POLR3G: variants seen among roughly 807,000 people sequenced by gnomAD.
POLR3G encodes the protein DNA-directed RNA polymerase III subunit RPC7.
POLR3G carries 28 observed loss-of-function variants against 30.1 expected under a neutral mutation model. The observed-to-expected ratio is 0.93, with a 90% CI of 0.69 to 1.27. The LOEUF (loss-of-function observed/expected upper bound fraction) is 1.27, where lower values mean the gene tolerates loss of function less well. Among genes scored for constraint, POLR3G ranks in the 50% most tolerant of loss-of-function variants. POLR3G has a pLI of 0.00. For missense variants in POLR3G, 254 were observed against 264.6 expected, an observed-to-expected ratio of 0.96 and a Z score of 0.28; for synonymous variants, 79 against 82.5, an observed-to-expected ratio of 0.96 and a Z score of 0.23.
chr5:90,495,761 C>T, intron 4 of POLR3G, 28 bp downstream of exon 4: 2 of 1,561,402 alleles, frequency 1.3e-6, no homozygotes, highest in Non-Finnish European at 1.7e-6. Context: ...AATATGAAAA[C>T]AGTTTTTAAA....
chr5:90,494,052 A>C (rs1751868486), intron 3 of POLR3G, among the ~76,000 whole-genome samples: 1 of 152,112 alleles, frequency 6.6e-6, no homozygotes, highest in African/African-American at 2.4e-5. Flanking sequence ...CTAGAAAAGA[A>C]ATTCTGTACC....
intron 3 of POLR3G, among the ~76,000 whole-genome samples, chr5:90,488,789 A>T (rs1380726873): frequency 2.7e-5 from 4 of 150,640 alleles, no homozygotes; most frequent in Non-Finnish European, 4.4e-5. Context: ...GTTTGATATG[A>T]TGTAAAATAT....
chr5:90,496,485 G>A (rs1752003529), intron 4 of POLR3G, among the ~76,000 whole-genome samples: 1 of 152,204 alleles, frequency 6.6e-6, no homozygotes, highest in Admixed American at 6.5e-5. Context: ...AGCAGACATA[G>A]ACTAGTTTTA....
upstream of POLR3G, chr5:90,474,253 C>T (rs1424133158): frequency 1.9e-6 from 3 of 1,613,616 alleles, no homozygotes; most frequent in Admixed American, 5.0e-5. Context: ...AAGATACCAT[C>T]GCCTAGAGAC....
chr5:90,475,580 C>A (rs1326186472), intron 1 of POLR3G, among the ~76,000 whole-genome samples: 1 of 151,846 alleles, frequency 6.6e-6, no homozygotes, highest in African/African-American at 2.4e-5. Flanking sequence ...AAAAGGAGCA[C>A]CTGGTGAGGA....
intron 7 of POLR3G, among the ~76,000 whole-genome samples, chr5:90,508,486 T>C (rs1752593816): frequency 6.6e-6 from 1 of 152,012 alleles, no homozygotes; most frequent in Admixed American, 6.6e-5. Context: ...TCATTTCCCA[T>C]TGTAAAACAT....
At chr5:90,483,772 A>G (rs1343587508) in intron 1 of POLR3G, among the ~76,000 whole-genome samples, 1 of 152,230 alleles carries the variant, frequency 6.6e-6, no homozygotes, top group Non-Finnish European at 1.5e-5. Flanking sequence ...TATTTAAAAA[A>G]TTAAATTGGC....
chr5:90,512,920 A>G lies in POLR3G; in HGVS notation c.*781A>G, dbSNP rs1279072075. 3 of 152,264 alleles carry G rather than the reference A, an allele frequency of 2.0e-5. No individual in the cohort carries two copies. The East Asian group carries it at 5.8e-4, about 29-fold the overall frequency. 9.4% of individuals were successfully genotyped at this position (152,264 alleles called of 1,614,324 possible). On this transcript the variant is annotated 3_prime_UTR_variant, in exon 8 of 8. Coordinates refer to ENST00000651687, the MANE Select transcript of POLR3G (RefSeq NM_006467.3). ...ATTTTATACTTTATGTAAATGTGAAATAAGTTCTGGTCATATAAATATGTA... is the reference window on the plus strand; with the variant it reads ...ATTTTATACTTTATGTAAATGTGAAGTAAGTTCTGGTCATATAAATATGTA...
At chr5:90,490,498 A>G (rs1317963603) in intron 3 of POLR3G, 2 of 269,004 alleles carry the variant, frequency 7.4e-6, no homozygotes, top group African/African-American at 4.5e-5. Flanking sequence ...TCCTGGGCTC[A>G]AGTGATCCTC....
chr5:90,474,505 C>G (rs958358361), upstream of POLR3G: 2 of 552,712 alleles, frequency 3.6e-6, no homozygotes, highest in Admixed American at 3.5e-5. Flanking sequence ...CGCACCCTTC[C>G]GCCAGGTCGG....
rs10686849 is a variant in POLR3G at position 90,490,571 on chromosome 5, A to ATTT, written c.247+2457_247+2459dup. 1,556 of 314,446 alleles carry ATTT rather than the reference A, an allele frequency of 4.9e-3. 20 individuals are homozygous for ATTT. The highest frequency in any genetic ancestry group is 6.9e-3 in the South Asian group (293 of 42,356). 19.5% of individuals were successfully genotyped at this position (314,446 alleles called of 1,614,324 possible). ...ACACACCATGCCCGGCTAACTTTTA[A>ATTT]TTTTTTTTTTTTTTTTTGTAGAGAC... On this transcript the variant is annotated intron_variant, in intron 3 of 7. Transcript: ENST00000651687.
intron 1 of POLR3G, among the ~76,000 whole-genome samples, chr5:90,478,546 T>C (rs992814861): frequency 7.5e-5 from 11 of 147,096 alleles, no homozygotes; most frequent in African/African-American, 2.8e-4. Context: ...TTCTGTAAAA[T>C]GGGAGGTTTA....
At position 90,501,988 on chromosome 5, in the gene POLR3G, G is replaced by A. The variant is rs200521583; in HGVS notation, c.438G>A (p.Glu146=). 4.5e-5 allele frequency: 73 copies of A among 1,611,554 alleles called. No individual in the cohort carries two copies. In the African/African-American group the frequency reaches 9.2e-4, roughly 20 times the overall value. ...TNTEDVLKKM[E]ELEKRGDGEK... ...CTGAAGATGTGTTGAAAAAAATGGA[G>A]GTAAGGTTTTCTTCTTACTATACAA... The change falls in exon 6 of 8, where the codon GAG becomes GAA. Residue 146 remains glutamate, a splice_region_variant and synonymous_variant. Transcript: ENST00000651687.
chr5:90,502,471 A>G, intron 6 of POLR3G: 1 of 715,450 alleles, frequency 1.4e-6, no homozygotes, highest in Non-Finnish European at 1.7e-6. Flanking sequence ...ATATTTCAAA[A>G]ATAAAAAAAT....
chr5:90,509,336 A>G (rs1752631536), intron 7 of POLR3G, among the ~76,000 whole-genome samples: 1 of 152,144 alleles, frequency 6.6e-6, no homozygotes, highest in African/African-American at 2.4e-5. Context: ...CCCTGTATAA[A>G]CATGTAACTC....
chr5:90,495,762 A>C (rs202081180), intron 4 of POLR3G, 29 bp downstream of exon 4: 1 of 1,560,142 alleles, frequency 6.4e-7, no homozygotes, highest in African/African-American at 1.4e-5. Context: ...ATATGAAAAC[A>C]GTTTTTAAAG....
intron 1 of POLR3G, among the ~76,000 whole-genome samples, chr5:90,482,115 C>T (rs778183663): frequency 1.2e-4 from 18 of 152,118 alleles, no homozygotes; most frequent in Non-Finnish European, 1.5e-5. Flanking sequence ...TTTTAGTGTT[C>T]AAGCAGTTAT....
At chr5:90,503,833 T>C (rs1752361130) in intron 6 of POLR3G, among the ~76,000 whole-genome samples, 1 of 152,206 alleles carries the variant, frequency 6.6e-6, no homozygotes, top group Non-Finnish European at 1.5e-5. Context: ...GTTTCTTATT[T>C]CTGCATAACA....
chr5:90,503,431 AT>A (rs1580216882), intron 6 of POLR3G, among the ~76,000 whole-genome samples: 2 of 152,226 alleles, frequency 1.3e-5, no homozygotes, highest in East Asian at 3.8e-4. Flanking sequence ...AATGATGGGA[AT>A]GCAGTTCTAG....
Sources: gnomAD v4.1 joint callset for allele counts (sites outside exome capture counted in the v4.1 genomes callset) on GRCh38, gnomAD v4.1.1 for gene constraint, MANE v1.5 for transcripts, NCBI Gene and HGNC (gene_info 2026-07-23, HGNC 2026-07-21) for gene names.